The following SPATA13 variants were observed in gnomAD, a reference collection of about 807,000 sequenced individuals.
SPATA13 encodes the protein spermatogenesis associated 13.
Under a neutral mutation model 104.0 loss-of-function variants are expected in SPATA13, and 50 were observed. The observed-to-expected ratio is 0.48, with a 90% CI of 0.38 to 0.61. The LOEUF is 0.61. Among genes scored for constraint, SPATA13 ranks in the 20% least tolerant of loss-of-function variants. The probability of loss-of-function intolerance (pLI) is 0.00; values close to 1 mark genes in which losing one functional copy is unlikely to be tolerated. For synonymous variants in SPATA13, 606 were observed against 667.5 expected (o/e 0.91, Z 1.42); for missense variants, 1,524 against 1,690.6 (o/e 0.90, Z 1.73).
chr13:24,064,239 C>G (rs1878872588), intron 3 of SPATA13, among the ~76,000 whole-genome samples: 1 of 152,198 alleles, frequency 6.6e-6, no homozygotes, highest in African/African-American at 2.4e-5. Context: ...GACAACAAAG[C>G]TACTAGAATG....
intron 3 of SPATA13, among the ~76,000 whole-genome samples, chr13:24,046,895 T>A (rs1878170604): frequency 6.6e-6 from 1 of 152,136 alleles, no homozygotes; most frequent in Admixed American, 6.5e-5. Flanking sequence ...GACAGCGGTA[T>A]TGCAGTAGAG....
intron 3 of SPATA13, among the ~76,000 whole-genome samples, chr13:24,125,179 C>T (rs2137828693): frequency 6.6e-6 from 1 of 152,326 alleles, no homozygotes; most frequent in East Asian, 1.9e-4. Flanking sequence ...CGTGGAGAGG[C>T]CGCTACACTG....
chr13:24,291,422 A>G (rs537127203), intron 9 of SPATA13, among the ~76,000 whole-genome samples: 1 of 152,354 alleles, frequency 6.6e-6, no homozygotes, highest in South Asian at 2.1e-4. Flanking sequence ...GGGTGAGGGC[A>G]CACACAAGCT....
At chr13:23,984,462 G>A (rs1323470701) in intron 2 of SPATA13, among the ~76,000 whole-genome samples, 2 of 152,168 alleles carry the variant, frequency 1.3e-5, no homozygotes, top group African/African-American at 4.8e-5. Context: ...AATAGAAACC[G>A]TGTGCATTGT....
intron 4 of SPATA13, chr13:24,252,825 G>T (rs1197749051): frequency 6.6e-6 from 1 of 152,258 alleles, no homozygotes; most frequent in Non-Finnish European, 1.5e-5. Context: ...GGCTAGGGAA[G>T]GGATGGCATC....
At chr13:24,087,297 A>G (rs1879757528) in intron 3 of SPATA13, among the ~76,000 whole-genome samples, 1 of 151,006 alleles carries the variant, frequency 6.6e-6, no homozygotes, top group Non-Finnish European at 1.5e-5. Flanking sequence ...CCTGCTACCC[A>G]CCCCCTGCAC....
At chr13:24,228,076 T>G (rs2138620880) in intron 2 of SPATA13, among the ~76,000 whole-genome samples, 1 of 151,496 alleles carries the variant, frequency 6.6e-6, no homozygotes, top group South Asian at 2.1e-4. Flanking sequence ...AGCTAATTTT[T>G]TGTAAAAATA....
rs377727753 is a variant in SPATA13, at chr13:24,251,938, G to C, written c.2164+76G>C. On this transcript the variant is annotated intron_variant, in intron 4 of 12. Transcript: ENST00000382108. ...CGTTTCCAGCTAACCTGAGGCAGCA[G>C]GTTCTGCACCTTCGCGCCTCCCTTG... 9.2e-6 allele frequency: 14 copies of C among 1,527,954 alleles called. No individual in the cohort carries two copies. In the African/African-American group the frequency reaches 1.2e-4, roughly 14 times the overall value. The allele number at this position is 1,527,954 out of a possible 1,614,324, so 94.6% of individuals were successfully genotyped here. A position where few individuals can be genotyped will look rare whatever the true frequency, so the allele number is the denominator to read the frequency against.
At chr13:24,177,274 A>T (rs1454977325) in intron 1 of SPATA13, among the ~76,000 whole-genome samples, 1 of 152,218 alleles carries the variant, frequency 6.6e-6, no homozygotes, top group Non-Finnish European at 1.5e-5. Context: ...TACTTTCATA[A>T]TAATTTAGGC....
In SPATA13 at chr13:24,286,808, C is replaced by G. The variant is rs1198786108; in HGVS notation, c.2525C>G (p.Thr842Ser). 5 of 1,613,580 alleles carry G rather than the reference C, an allele frequency of 3.1e-6. No homozygotes were observed. The highest frequency in any genetic ancestry group is 4.2e-6 in the Non-Finnish European group (5 of 1,179,970). The change falls in exon 7 of 13, where the codon ACC (threonine) becomes AGC (serine). Residue 842 changes from threonine to serine, a missense_variant. Coordinates refer to ENST00000382108, the MANE Select transcript of SPATA13 (RefSeq NM_001166271.3). This position sits in a 1 kb window ranked among gnomAD's most constrained non-coding sequence, Gnocchi z 4.9. ...GAGCTGTCGGAAAACTCCAGCAGCA[C>G]CCCCAGTGAGGAGCAGGACGAGGAG... ...QEELSENSSS[T>S]PSEEQDEEAS...
chr13:23,983,150 C>G (rs989844311), intron 1 of SPATA13, among the ~76,000 whole-genome samples: 2 of 152,194 alleles, frequency 1.3e-5, no homozygotes, highest in Non-Finnish European at 2.9e-5. Flanking sequence ...TCACAAAACA[C>G]CACAGCCTGG....
intron 2 of SPATA13, chr13:24,017,581 G>A: frequency 1.6e-6 from 1 of 628,934 alleles, no homozygotes; most frequent in Non-Finnish European, 2.0e-6. Flanking sequence ...AGATCAGATA[G>A]ACCCTGTCTG....
chr13:24,226,725 A>AG (rs1211281395), intron 2 of SPATA13, among the ~76,000 whole-genome samples: 1 of 152,246 alleles, frequency 6.6e-6, no homozygotes, highest in Non-Finnish European at 1.5e-5. Context: ...TAGCACCTAC[A>AG]GATGAATGAT....
rs3067223 is a variant in SPATA13 at position 24,231,172 on chromosome 13, TTA to T, written c.1653+6594_1653+6595del. Among the ~76,000 whole-genome samples, 976 of 152,266 alleles carry T rather than the reference TTA, an allele frequency of 6.4e-3. 8 individuals carry two copies. The highest frequency in any genetic ancestry group is 0.023 in the African/African-American group (937 of 41,544). Reference sequence around the variant, plus strand: ...TATTAAGCGAACAATTCAGTGATTTTTATATGTTTATGGAGCTCTGCAGCCAT... The same window carrying T: ...TATTAAGCGAACAATTCAGTGATTTTTATGTTTATGGAGCTCTGCAGCCAT... On this transcript the variant is annotated intron_variant, in intron 2 of 12. Transcript: ENST00000382108.
At chr13:24,024,608 C>T (rs777173683) in intron 3 of SPATA13, among the ~76,000 whole-genome samples, 2 of 151,270 alleles carry the variant, frequency 1.3e-5, no homozygotes, top group Non-Finnish European at 3.0e-5. Context: ...CTGCTGATCC[C>T]GCTATGATGC....
chr13:24,214,250 T>C (rs1441810050), intron 1 of SPATA13, among the ~76,000 whole-genome samples: 1 of 152,232 alleles, frequency 6.6e-6, no homozygotes, highest in Non-Finnish European at 1.5e-5. Flanking sequence ...TAGACACTTT[T>C]ACCTAAGGCC....
At chr13:24,239,577 C>G (rs1279519592) in intron 2 of SPATA13, among the ~76,000 whole-genome samples, 1 of 150,590 alleles carries the variant, frequency 6.6e-6, no homozygotes, top group Non-Finnish European at 1.5e-5. Flanking sequence ...CACCTCTAGT[C>G]CCAGCTACTT....
chr13:24,197,514 G>C (rs1870130986), intron 1 of SPATA13, among the ~76,000 whole-genome samples: 1 of 152,174 alleles, frequency 6.6e-6, no homozygotes, highest in Non-Finnish European at 1.5e-5. Flanking sequence ...GACAACACTG[G>C]TTAATGTCCT....
intron 2 of SPATA13, 99 bp downstream of exon 2, chr13:24,224,681 G>A (rs1871831384): frequency 1.6e-6 from 2 of 1,271,078 alleles, no homozygotes; most frequent in Admixed American, 3.9e-5. Context: ...AAGGTCAGTG[G>A]CCCTCTGCTG....
Sources: allele counts gnomAD v4.1 joint callset (sites outside exome capture counted in the v4.1 genomes callset), GRCh38; gene constraint gnomAD v4.1.1; non-coding constraint Gnocchi (gnomAD v3.1); transcripts MANE v1.5; gene names NCBI Gene and HGNC (gene_info 2026-07-23, HGNC 2026-07-21).